Variants in KAZN observed in about 807,000 individuals in gnomAD.
KAZN encodes kazrin.
KAZN carries 40 observed loss-of-function variants against 87.4 expected under a neutral mutation model. That is an observed-to-expected ratio of 0.46 (90% CI 0.36 to 0.60). The LOEUF (loss-of-function observed/expected upper bound fraction) is 0.60, where lower values mean the gene tolerates loss of function less well. KAZN is among the 20% of genes least tolerant of loss of function. The probability of loss-of-function intolerance (pLI) is 0.00; values close to 1 mark genes in which losing one functional copy is unlikely to be tolerated. For synonymous variants in KAZN, 466 were observed against 458.3 expected, an observed-to-expected ratio of 1.02 and a Z score of -0.22; for missense variants, 898 against 1,073.9, an observed-to-expected ratio of 0.84 and a Z score of 2.29.
chr1:14,291,880 C>T (rs1183104883), intron 2 of KAZN, among the ~76,000 whole-genome samples: 1 of 152,222 alleles, frequency 6.6e-6, no homozygotes, highest in East Asian at 1.9e-4. Flanking sequence ...GCAGTTCTCT[C>T]TCCTGCTGCC....
At chr1:14,825,121 G>A (rs1237072092) in intron 1 of KAZN, among the ~76,000 whole-genome samples, 2 of 152,244 alleles carry the variant, frequency 1.3e-5, no homozygotes, top group Non-Finnish European at 2.9e-5. Context: ...GAATTTCAGA[G>A]TCTCGCAAAA....
intron 1 of KAZN, among the ~76,000 whole-genome samples, chr1:14,638,488 G>A (rs571153968): frequency 1.5e-4 from 23 of 151,168 alleles, no homozygotes; most frequent in African/African-American, 5.1e-4. Flanking sequence ...AGAACGGCTT[G>A]AACCTGGGAG....
intron 1 of KAZN, among the ~76,000 whole-genome samples, chr1:14,870,502 G>A (rs1327285859): frequency 2.0e-5 from 3 of 152,072 alleles, no homozygotes; most frequent in African/African-American, 7.2e-5. Context: ...CTACCACACT[G>A]GCTAATTTTT....
intron 1 of KAZN, among the ~76,000 whole-genome samples, chr1:14,039,118 C>T (rs1570588624): frequency 1.3e-5 from 2 of 150,724 alleles, no homozygotes; most frequent in South Asian, 4.2e-4. Flanking sequence ...TTGCAGTGAG[C>T]CAAGATCGTG....
intron 1 of KAZN, among the ~76,000 whole-genome samples, chr1:14,854,691 C>G (rs1166248953): frequency 6.6e-6 from 1 of 152,070 alleles, no homozygotes; most frequent in African/African-American, 2.4e-5. Flanking sequence ...GAGGAATGCA[C>G]CTCCATGACC....
At chr1:14,235,381 G>T (rs1648312301) in intron 2 of KAZN, among the ~76,000 whole-genome samples, 1 of 152,208 alleles carries the variant, frequency 6.6e-6, no homozygotes. Flanking sequence ...CGTATTATAT[G>T]ATTTCATTTA....
chr1:14,178,076 C>T (rs765204571), intron 1 of KAZN, among the ~76,000 whole-genome samples: 2 of 152,036 alleles, frequency 1.3e-5, no homozygotes, highest in Non-Finnish European at 1.5e-5. Flanking sequence ...GAGTGAGTCT[C>T]AGGAGATCTG....
intron 1 of KAZN, among the ~76,000 whole-genome samples, chr1:14,618,080 T>C (rs1678393324): frequency 6.6e-6 from 1 of 152,218 alleles, no homozygotes; most frequent in Non-Finnish European, 1.5e-5. Context: ...CAGCTGCTGA[T>C]ATTTCAAGCT....
intron 1 of KAZN, among the ~76,000 whole-genome samples, chr1:14,009,543 A>T (rs142149516): frequency 1.3e-5 from 2 of 152,114 alleles, no homozygotes; most frequent in East Asian, 3.9e-4. Flanking sequence ...TTTCCCAACA[A>T]CCCTTTGAGA....
intron 1 of KAZN, among the ~76,000 whole-genome samples, chr1:14,090,200 A>G (rs981717340): frequency 1.3e-5 from 2 of 152,052 alleles, no homozygotes; most frequent in Non-Finnish European, 2.9e-5. Context: ...ATTTATTTAA[A>G]TGTTCCTTCC....
chr1:14,651,159 C>T (rs1451297023), intron 1 of KAZN, among the ~76,000 whole-genome samples: 1 of 152,234 alleles, frequency 6.6e-6, no homozygotes, highest in Non-Finnish European at 1.5e-5. Context: ...GGTAATTCCT[C>T]ATCTCATTTT....
intron 2 of KAZN, among the ~76,000 whole-genome samples, chr1:14,963,518 AC>A (rs1664125296): frequency 6.6e-6 from 1 of 152,218 alleles, no homozygotes; most frequent in African/African-American, 2.4e-5. Context: ...AGCCATTCTT[AC>A]TTCAGTGGCG....
At chr1:14,993,781 A>C (rs1254625573) in intron 2 of KAZN, among the ~76,000 whole-genome samples, 1 of 152,312 alleles carries the variant, frequency 6.6e-6, no homozygotes, top group African/African-American at 2.4e-5. Context: ...AGGGGTCACA[A>C]GCCCACACGT....
At chr1:14,035,162 G>A (rs1641498045) in intron 1 of KAZN, among the ~76,000 whole-genome samples, 1 of 152,196 alleles carries the variant, frequency 6.6e-6, no homozygotes, top group African/African-American at 2.4e-5. Context: ...AACTTAACCT[G>A]GTAGGAAGGG....
At chr1:14,367,165 G>C (rs1660070298) in intron 2 of KAZN, among the ~76,000 whole-genome samples, 1 of 152,090 alleles carries the variant, frequency 6.6e-6, no homozygotes. Context: ...GGAGGCGGAG[G>C]TTGCAGTGAA....
At chr1:14,323,745 AC>A (rs1656210818) in intron 2 of KAZN, among the ~76,000 whole-genome samples, 1 of 152,182 alleles carries the variant, frequency 6.6e-6, no homozygotes, top group African/African-American at 2.4e-5. Context: ...GATTTGCTGG[AC>A]CACATCTTGG....
chr1:14,685,323 T>C (rs188437360), intron 1 of KAZN, among the ~76,000 whole-genome samples: 3 of 152,334 alleles, frequency 2.0e-5, no homozygotes, highest in South Asian at 2.1e-4. Flanking sequence ...CCAATTCCCA[T>C]CAGTCGTTGG....
intron 2 of KAZN, among the ~76,000 whole-genome samples, chr1:14,516,600 A>T (rs1248804002): frequency 6.6e-6 from 1 of 152,238 alleles, no homozygotes; most frequent in African/African-American, 2.4e-5. Context: ...TCAAGGGTCA[A>T]TGAATGAGTG....
intron 1 of KAZN, among the ~76,000 whole-genome samples, chr1:14,667,652 CAG>C (rs1305287906): frequency 6.6e-6 from 1 of 152,084 alleles, no homozygotes; most frequent in Non-Finnish European, 1.5e-5. Context: ...CTGGAACAAA[CAG>C]AGAATTTGGG....
Sources: allele counts gnomAD v4.1 joint callset (sites outside exome capture counted in the v4.1 genomes callset), GRCh38; gene constraint gnomAD v4.1.1; transcripts MANE v1.5; gene names NCBI Gene and HGNC (gene_info 2026-07-23, HGNC 2026-07-21).